Variants in MYO5B observed in about 807,000 individuals in gnomAD.
The protein encoded by MYO5B is unconventional myosin-Vb.
In MYO5B, 143 loss-of-function variants were observed where a neutral mutation model predicts 229.3. The ratio of observed to expected loss-of-function variants is 0.62; its 90% CI spans 0.54 to 0.72. The LOEUF (loss-of-function observed/expected upper bound fraction) is 0.72. Among genes scored for constraint, MYO5B ranks in the 30% least tolerant of loss-of-function variants. The pLI is 0.00. For missense variants in MYO5B, 2,321 were observed against 2,331.0 expected (o/e 1.00, Z 0.09); for synonymous variants, 918 against 885.2 (o/e 1.04, Z -0.66).
intron 35 of MYO5B, among the ~76,000 whole-genome samples, chr18:49,841,089 G>C (rs2024050670): frequency 6.6e-6 from 1 of 152,190 alleles, no homozygotes; most frequent in African/African-American, 2.4e-5. Context: ...GAGACTCCCA[G>C]GGCCTCTATT....
At chr18:50,104,280 A>C (rs1217684653) in intron 1 of MYO5B, among the ~76,000 whole-genome samples, 1 of 136,236 alleles carries the variant, frequency 7.3e-6, no homozygotes, top group African/African-American at 3.3e-5. Flanking sequence ...ATATATATAT[A>C]TATATATATA....
In MYO5B at chr18:49,836,695, T is replaced by G; in HGVS notation, c.5313+16A>C. 5 of 1,613,630 alleles carry G rather than the reference T, an allele frequency of 3.1e-6. No individual in the cohort carries two copies. Among genetic ancestry groups the G allele is most frequent in the Non-Finnish European group, 4.2e-6 (5 of 1,179,792 alleles). On this transcript the variant is annotated intron_variant, in intron 38 of 39. Coordinates refer to ENST00000285039, the MANE Select transcript of MYO5B (RefSeq NM_001080467.3). ...CCTTGGAATACCATGTTGACAGAGG[T>G]GCAAAGTGACTGTACCTGCTGGGTG... is the stretch of plus-strand genomic sequence containing the variant.
chr18:49,951,192 C>T (rs115396847), intron 14 of MYO5B, among the ~76,000 whole-genome samples: 2,130 of 152,194 alleles, frequency 0.014, 26 homozygotes, highest in African/African-American at 0.031. Context: ...GCCTGGTCTC[C>T]GGGAGACGTC....
At chr18:49,907,809 G>A (rs2024915881) in intron 18 of MYO5B, among the ~76,000 whole-genome samples, 1 of 152,254 alleles carries the variant, frequency 6.6e-6, no homozygotes. Context: ...CCCGGCCTGG[G>A]CCAGGCTGCT....
intron 1 of MYO5B, among the ~76,000 whole-genome samples, chr18:50,133,905 A>T (rs552770848): frequency 6.6e-6 from 1 of 152,340 alleles, no homozygotes; most frequent in Admixed American, 6.5e-5. Context: ...AATCTTTGAG[A>T]TATCTTTAAG....
At chr18:50,028,173 T>C (rs1403658057) in intron 4 of MYO5B, among the ~76,000 whole-genome samples, 2 of 152,210 alleles carry the variant, frequency 1.3e-5, no homozygotes, top group Non-Finnish European at 2.9e-5. Context: ...TAAATATGTG[T>C]AGTTTATTGC....
chr18:49,953,058 A>C (rs1435065550), intron 14 of MYO5B, among the ~76,000 whole-genome samples: 1 of 152,014 alleles, frequency 6.6e-6, no homozygotes, highest in African/African-American at 2.4e-5. Flanking sequence ...GGCCATACTA[A>C]AGTGTTTTCA....
At chr18:50,135,393 G>A (rs1599047118) in intron 1 of MYO5B, among the ~76,000 whole-genome samples, 2 of 152,284 alleles carry the variant, frequency 1.3e-5, no homozygotes, top group South Asian at 2.1e-4. Context: ...AAGGAGAATG[G>A]ATAATCCAAC....
chr18:50,075,237 GTCTC>G (rs1334109975), intron 1 of MYO5B, among the ~76,000 whole-genome samples: 1 of 152,090 alleles, frequency 6.6e-6, no homozygotes, highest in Non-Finnish European at 1.5e-5. Flanking sequence ...GGAGAGAGGG[GTCTC>G]TTGGGATTCC....
intron 1 of MYO5B, among the ~76,000 whole-genome samples, chr18:50,172,237 C>G (rs981209165): frequency 6.8e-6 from 1 of 146,602 alleles, no homozygotes; most frequent in Admixed American, 7.0e-5. Context: ...GCCATGATCA[C>G]GCCATTGCAC....
At position 50,124,764 on chromosome 18, in the gene MYO5B, G is replaced by A. The variant is rs1052389220; in HGVS notation, c.28-69386C>T. On this transcript the variant is annotated intron_variant, in intron 1 of 39. Transcript: ENST00000285039. The stretch of plus-strand genomic sequence containing the variant: ...TTGCAATTGACACATCTCTCCCCCC[G>A]CCCCACCCCGCTTGATCATTTTGAA... Among the ~76,000 whole-genome samples, 11 of 146,644 alleles carry A rather than the reference G, an allele frequency of 7.5e-5. No individual in the cohort carries two copies. The South Asian group carries it at 1.3e-3, about 18-fold the overall frequency.
At chr18:50,059,417 G>A (rs1409256843) in intron 1 of MYO5B, among the ~76,000 whole-genome samples, 1 of 152,228 alleles carries the variant, frequency 6.6e-6, no homozygotes, top group Non-Finnish European at 1.5e-5. Context: ...TGGAGAGAAG[G>A]AAGACAGGGA....
At position 50,169,308 on chromosome 18, in the gene MYO5B, GA is replaced by G. The variant is rs1407433646; in HGVS notation, c.27+25458del. On this transcript the variant is annotated intron_variant, in intron 1 of 39. Coordinates refer to ENST00000285039, the MANE Select transcript of MYO5B (RefSeq NM_001080467.3). ...AAGAGCAAGACCTTGTCTCAAAAAAGAAAAGCTACATAGGAAATGCAGGGGA... is the reference window on the plus strand; with the variant it reads ...AAGAGCAAGACCTTGTCTCAAAAAAGAAAGCTACATAGGAAATGCAGGGGA... Among the ~76,000 whole-genome samples the G allele has an allele frequency of 1.6e-5, 2 of 126,934 alleles. 1 individual carries two copies. Among genetic ancestry groups the G allele is most frequent in the Non-Finnish European group, 3.4e-5 (2 of 59,600 alleles). 83.3% of individuals were successfully genotyped at this position (126,934 alleles called of 152,430 possible).
rs1378866884 is a variant in MYO5B, at chr18:50,169,017, ATATAGGGGGCTTGG to A, written c.27+25736_27+25749del. 5.5e-5 allele frequency among the ~76,000 whole-genome samples: 7 copies of A among 126,222 alleles called. 2 individuals carry two copies. The highest frequency in any genetic ancestry group is 1.2e-4 in the African/African-American group (4 of 33,252). The allele number at this position is 126,222 out of a possible 152,430, so 82.8% of individuals were successfully genotyped here. ...TCAGAGAGAGAAGGGCGAAAAAGCT[ATATAGGGGGCTTGG>A]CATAGTGGCTCACTCCTGTAATCAC... On this transcript the variant is annotated intron_variant, in intron 1 of 39. Transcript: ENST00000285039.
intron 1 of MYO5B, among the ~76,000 whole-genome samples, chr18:50,176,755 A>T (rs148543402): frequency 2.8e-4 from 42 of 152,340 alleles, no homozygotes; most frequent in African/African-American, 1.0e-3. Context: ...TGTGATAGCA[A>T]TCTTACTGTA....
chr18:49,823,367 G>T lies in MYO5B; in HGVS notation c.*3104C>A, dbSNP rs974412473. 76 of 152,414 alleles carry T rather than the reference G, an allele frequency of 5.0e-4. No homozygotes were observed. Among genetic ancestry groups the T allele is most frequent in the African/African-American group, 1.8e-3 (73 of 41,606 alleles). 9.4% of individuals were successfully genotyped at this position (152,414 alleles called of 1,614,324 possible). On this transcript the variant is annotated 3_prime_UTR_variant, in exon 40 of 40. Coordinates refer to ENST00000285039, the MANE Select transcript of MYO5B (RefSeq NM_001080467.3). ...TCTTGCCCCATGCTGTCCCATTTTA[G>T]TGACCATTTAGTTATGCAGGCATTA... is the stretch of plus-strand genomic sequence containing the variant.
Position 50,124,542 on chromosome 18 carries a change from AAAC to A in MYO5B, c.28-69167_28-69165del, listed in dbSNP as rs1321380584. ...GTGAATGTTAAAAAGAAAAAAAAGA[AAAC>A]AACAACAACAAAAAACTTTTGAAGA... is the stretch of plus-strand genomic sequence containing the variant. On this transcript the variant is annotated intron_variant, in intron 1 of 39. Transcript: ENST00000285039. Among the ~76,000 whole-genome samples the A allele has an allele frequency of 2.2e-4, 33 of 152,194 alleles. No homozygotes were observed. The East Asian group carries it at 3.7e-3, about 17-fold the overall frequency.
chr18:50,080,802 T>G (rs1470878096), intron 1 of MYO5B, among the ~76,000 whole-genome samples: 1 of 152,102 alleles, frequency 6.6e-6, no homozygotes, highest in Admixed American at 6.6e-5. Flanking sequence ...AACTTCAAAA[T>G]AAGCACAGGG....
chr18:49,960,172 A>G (rs1033602457), intron 12 of MYO5B, among the ~76,000 whole-genome samples: 2 of 152,162 alleles, frequency 1.3e-5, no homozygotes, highest in African/African-American at 4.8e-5. Flanking sequence ...CTTCCCCAAG[A>G]AAAGTGATTT....
Sources: gnomAD v4.1 joint callset for allele counts (sites outside exome capture counted in the v4.1 genomes callset) on GRCh38, gnomAD v4.1.1 for gene constraint, MANE v1.5 for transcripts, NCBI Gene and HGNC (gene_info 2026-07-23, HGNC 2026-07-21) for gene names.